The following GPN1 variants were observed in gnomAD, a reference collection of about 807,000 sequenced individuals.
GPN1 encodes ATP(GTP)-binding protein.
Under a neutral mutation model 55.9 loss-of-function variants are expected in GPN1, and 44 were observed. The observed-to-expected ratio is 0.79, with a 90% CI of 0.62 to 1.01. The LOEUF (loss-of-function observed/expected upper bound fraction) is 1.01, where lower values mean the gene tolerates loss of function less well. GPN1 is among the 50% of genes least tolerant of loss of function. The pLI, the probability that GPN1 is intolerant of heterozygous loss-of-function variation, is 0.00. For missense variants in GPN1, 466 were observed against 462.8 expected (o/e 1.01, Z -0.06); for synonymous variants, 179 against 162.5 (o/e 1.10, Z -0.77).
At chr2:27,628,284 G>C, upstream of GPN1, 1 of 1,041,240 alleles carries the variant, frequency 9.6e-7, no homozygotes, top group Non-Finnish European at 1.4e-6. Context: ...AAACAGACTG[G>C]GTGGTCAGGA....
rs57185039 is a variant in GPN1, at chr2:27,635,300, CTTTTT to C, written c.524+78_524+82del. On this transcript the variant is annotated intron_variant, in intron 7 of 13. Transcript: ENST00000610189. The stretch of plus-strand genomic sequence containing the variant: ...AAGGCCTTTTTCTCTTCTTCTTCCT[CTTTTT>C]TTTTTTTTTTTGAATCTGGTTGCTT... 240 of 523,070 alleles carry C rather than the reference CTTTTT, an allele frequency of 4.6e-4. 1 individual carries two copies. In the East Asian group the frequency reaches 6.5e-3, roughly 14 times the overall value. The allele number at this position is 523,070 out of a possible 1,614,324, so 32.4% of individuals were successfully genotyped here.
chr2:27,645,446 T>C (rs1674179067), intron 12 of GPN1, among the ~76,000 whole-genome samples: 1 of 152,116 alleles, frequency 6.6e-6, no homozygotes, highest in Admixed American at 6.5e-5. Flanking sequence ...ATCAACTTTA[T>C]CTAGTTCCTT....
intron 12 of GPN1, 87 bp downstream of exon 12, chr2:27,642,606 C>A (rs1231920279): frequency 2.4e-6 from 2 of 837,260 alleles, no homozygotes; most frequent in Admixed American, 4.3e-5. Flanking sequence ...GACGGAGTTT[C>A]ACTCTTGTTG....
chr2:27,638,745 C>T (rs985668408), intron 8 of GPN1, 140 bp from the exon 9 acceptor site: 6 of 657,806 alleles, frequency 9.1e-6, no homozygotes, highest in African/African-American at 7.3e-5. Flanking sequence ...TTCTTTGTGG[C>T]TTGTTGCAAT....
intron 7 of GPN1, among the ~76,000 whole-genome samples, chr2:27,637,429 T>C (rs1240185475): frequency 6.6e-6 from 1 of 152,134 alleles, no homozygotes; most frequent in Non-Finnish European, 1.5e-5. Context: ...TGTTTAAGGG[T>C]CAACTGTGTA....
upstream of GPN1, chr2:27,628,313 GCT>G (rs1291523715): frequency 1.5e-6 from 2 of 1,320,990 alleles, no homozygotes; most frequent in Admixed American, 2.8e-5. Flanking sequence ...AATTTTCTAG[GCT>G]CTTTCATCAT....
Position 27,639,009 on chromosome 2 carries a change from A to ATC in GPN1, c.696_697insCT (p.Glu233LeufsTer20). 6.2e-7 allele frequency: 1 copy of ATC among 1,612,734 alleles called. No homozygotes were observed. Among genetic ancestry groups the ATC allele is most frequent in the African/African-American group, 1.3e-5 (1 of 74,988 alleles). On this transcript the variant is annotated frameshift_variant, in exon 9 of 14. Coordinates refer to ENST00000610189, the MANE Select transcript of GPN1 (RefSeq NM_007266.4). LOFTEE classifies it high-confidence loss of function. ...ACTCGTTCAATGAGCCTGGTGTTAG[A>ATC]TGAGTTTTACAGCTCACTCAGGGTA...
chr2:27,630,083 C>G (rs965607030), intron 2 of GPN1, 131 bp downstream of exon 2: 5 of 625,434 alleles, frequency 8.0e-6, no homozygotes, highest in African/African-American at 1.8e-5. Flanking sequence ...GTCAGGAGTT[C>G]AAGACCAGCC....
chr2:27,635,167 T>C lies in GPN1; in HGVS notation c.457T>C (p.Tyr153His). 2 of 1,602,694 alleles carry C rather than the reference T, an allele frequency of 1.2e-6. No homozygotes were observed. The highest frequency in any genetic ancestry group is 2.2e-5 in the South Asian group (2 of 90,586). Residue 153 changes from tyrosine (Y) to histidine (H), a missense_variant, in exon 7 of 14, where the codon TAT (tyrosine) becomes CAT (histidine). Tyr to His is a moderately conservative substitution (Grantham distance 83). Transcript: ENST00000610189. ...LASSFPTVVI[Y>H]VMDTSRSTNP... The stretch of plus-strand genomic sequence containing the variant: ...ATCCTCATTTCCAACAGTTGTCATC[T>C]ATGTAATGGACACATCGAGAAGTAC...
At chr2:27,640,949 C>T (rs919548030) in intron 10 of GPN1, among the ~76,000 whole-genome samples, 3 of 152,236 alleles carry the variant, frequency 2.0e-5, no homozygotes, top group African/African-American at 7.2e-5. Context: ...ACTTATCTCA[C>T]CCTTTTATCT....
chr2:27,642,389 T>C (rs1280234415), intron 11 of GPN1, 40 bp from the exon 12 acceptor site: 1 of 1,240,566 alleles, frequency 8.1e-7, no homozygotes, highest in South Asian at 1.2e-5. Flanking sequence ...AATTTGGGAC[T>C]CCTTTTTGAA....
chr2:27,630,387 T>G (rs77682157), intron 2 of GPN1, among the ~76,000 whole-genome samples: 3 of 31,650 alleles, frequency 9.5e-5, no homozygotes, highest in Non-Finnish European at 6.4e-5. Context: ...ACAGCTTAGG[T>G]TTTTTTTTTT....
chr2:27,637,753 C>T (rs977706503), intron 7 of GPN1, among the ~76,000 whole-genome samples: 3 of 152,192 alleles, frequency 2.0e-5, no homozygotes, highest in African/African-American at 4.8e-5. Context: ...ACATTCTAGA[C>T]ACTGACATGA....
In GPN1 at chr2:27,651,386, C is replaced by G. The variant is rs571954200; in HGVS notation, c.*1186C>G. 6.6e-6 allele frequency: 1 copy of G among 152,434 alleles called. No individual in the cohort carries two copies. The highest frequency in any genetic ancestry group is 2.4e-5 in the African/African-American group (1 of 41,572). 9.4% of individuals were successfully genotyped at this position (152,434 alleles called of 1,614,324 possible). On this transcript the variant is annotated 3_prime_UTR_variant, in exon 14 of 14. Transcript: ENST00000610189. ...TAGTAGCCTATGACATAATTCCAGACCAGGTGAATCTCAAGATACTAATCC... is the reference window on the plus strand; with the variant it reads ...TAGTAGCCTATGACATAATTCCAGAGCAGGTGAATCTCAAGATACTAATCC...
At chr2:27,638,060 C>T (rs1441942788) in intron 7 of GPN1, 150 bp from the exon 8 acceptor site, 2 of 537,158 alleles carry the variant, frequency 3.7e-6, no homozygotes, top group African/African-American at 2.0e-5. Context: ...TTCCTGTTGG[C>T]AGAGACTATA....
intron 1 of GPN1, 81 bp downstream of exon 1, chr2:27,629,250 A>AGGTCGT: frequency 6.5e-7 from 1 of 1,540,504 alleles, no homozygotes. Flanking sequence ...AAAGGGAGGG[A>AGGTCGT]AGAGGATTTG....
At chr2:27,642,609 T>C (rs1179108007) in intron 12 of GPN1, 90 bp downstream of exon 12, 1 of 815,174 alleles carries the variant, frequency 1.2e-6, no homozygotes, top group Non-Finnish European at 2.0e-6. Flanking sequence ...GGAGTTTCAC[T>C]CTTGTTGCCC....
upstream of GPN1, chr2:27,628,931 C>T: frequency 2.7e-6 from 4 of 1,504,818 alleles, no homozygotes; most frequent in Non-Finnish European, 3.5e-6. Context: ...GATGCCCTGG[C>T]AACCGCCGCG....
At chr2:27,630,398 T>C (rs1351003923) in intron 2 of GPN1, among the ~76,000 whole-genome samples, 1 of 144,548 alleles carries the variant, frequency 6.9e-6, no homozygotes, top group African/African-American at 2.5e-5. Context: ...TTTTTTTTTT[T>C]TTTTTTTTTT....
Sources: gnomAD v4.1 joint callset for allele counts (sites outside exome capture counted in the v4.1 genomes callset) on GRCh38, gnomAD v4.1.1 for gene constraint, MANE v1.5 for transcripts, NCBI Gene and HGNC (gene_info 2026-07-23, HGNC 2026-07-21) for gene names.